The following ANKRD40 variants were observed in gnomAD, a reference collection of about 807,000 sequenced individuals.
The protein encoded by ANKRD40 is ankyrin repeat domain-containing protein 40.
In ANKRD40, 24 loss-of-function variants were observed where a neutral mutation model predicts 35.5. That is an observed-to-expected ratio of 0.68 (90% CI 0.49 to 0.95). The LOEUF is 0.95. ANKRD40 is among the 40% of genes least tolerant of loss of function. The pLI is 0.00. For missense variants in ANKRD40, 361 were observed against 436.0 expected, an observed-to-expected ratio of 0.83 and a Z score of 1.53; for synonymous variants, 147 against 173.5, an observed-to-expected ratio of 0.85 and a Z score of 1.20.
chr17:50,705,889 GA>G (rs1469343240), intron 1 of ANKRD40, among the ~76,000 whole-genome samples: 1 of 151,144 alleles, frequency 6.6e-6, no homozygotes, highest in Non-Finnish European at 1.5e-5. Context: ...TCGAACTCCT[GA>G]CATCGTGATC....
intron 4 of ANKRD40, 145 bp from the exon 5 acceptor site, chr17:50,696,288 G>C: frequency 1.1e-6 from 1 of 908,528 alleles, no homozygotes; most frequent in Non-Finnish European, 1.6e-6. Context: ...CAGTGATAGT[G>C]CAACTAAGGC....
Position 50,707,410 on chromosome 17 carries a change from G to A in ANKRD40, c.134+111C>T. On this transcript the variant is annotated intron_variant, in intron 1 of 4. Coordinates refer to ENST00000285243, the MANE Select transcript of ANKRD40 (RefSeq NM_052855.4). The surrounding 1 kb of genome is among the most constrained non-coding windows in gnomAD (Gnocchi z 4.8). ...GAGCACAATCTCGGAGGCCCGAGGT[G>A]GCAGGCCTCGCCGTAGCCAGGCGTC... 6.8e-7 allele frequency: 1 copy of A among 1,465,820 alleles called. No individual in the cohort carries two copies. The highest frequency in any genetic ancestry group is 9.2e-7 in the Non-Finnish European group (1 of 1,092,464). The allele number at this position is 1,465,820 out of a possible 1,614,324, so 90.8% of individuals were successfully genotyped here.
chr17:50,696,208 T>C, intron 4 of ANKRD40, 65 bp from the exon 5 acceptor site: 1 of 1,500,812 alleles, frequency 6.7e-7, no homozygotes, highest in East Asian at 2.3e-5. Context: ...TGGTGCACTC[T>C]ATTGATACCA....
At chr17:50,698,022 C>T (rs1278165350) in intron 3 of ANKRD40, among the ~76,000 whole-genome samples, 1 of 151,848 alleles carries the variant, frequency 6.6e-6, no homozygotes, top group East Asian at 1.9e-4. Context: ...TGGCTATGTC[C>T]TCTCAACGGG....
Position 50,699,718 on chromosome 17 carries a change from T to C in ANKRD40, c.459A>G (p.Ala153=), listed in dbSNP as rs770850055. The C allele has an allele frequency of 4.3e-6, 7 of 1,613,346 alleles. No individual in the cohort carries two copies. The highest frequency in any genetic ancestry group is 2.2e-5 in the East Asian group (1 of 44,870). The part of the protein sequence containing the change: ...MQNGGPSTPP[A]SPPADGSPPL... ...GAGGTGAGCCATCTGCAGGGGGTGA[T>C]GCAGGGGGTGTGGAGGGGCCCCCAT... Residue 153 remains alanine (A), a synonymous_variant, in exon 3 of 5, where the codon GCA becomes GCG. Coordinates refer to ENST00000285243, the MANE Select transcript of ANKRD40 (RefSeq NM_052855.4).
In ANKRD40 at chr17:50,699,677, C is replaced by A; in HGVS notation, c.500G>T (p.Gly167Val). The A allele has an allele frequency of 6.2e-7, 1 of 1,614,074 alleles. No homozygotes were observed. Among genetic ancestry groups the A allele is most frequent in the African/African-American group, 1.3e-5 (1 of 74,994 alleles). Residue 167 changes from glycine (G) to valine (V), a missense_variant, in exon 3 of 5, where the codon GGG becomes GTG. Around this residue, in one of 5 missense-constraint regions of ANKRD40, gnomAD observed 172 missense variants for 174.0 expected, o/e 0.99. Transcript: ENST00000285243. ...ADGSPPLLPP[G>V]EPPLLGTFPR... The stretch of plus-strand genomic sequence containing the variant: ...AAAGGTCCCTAACAGGGGAGGTTCC[C>A]CAGGGGGAAGCAATGGAGGTGAGCC...
At position 50,694,214 on chromosome 17, in the gene ANKRD40, C is replaced by T. The variant is rs1264625225; in HGVS notation, c.*1783G>A. ...AGGGTAATAAGTAACCTTCACTCTG[C>T]TATGCAAACACTGTACAAGGGTGAG... On this transcript the variant is annotated 3_prime_UTR_variant, in exon 5 of 5. Transcript: ENST00000285243. 6.6e-6 allele frequency: 1 copy of T among 151,466 alleles called. No homozygotes were observed. The highest frequency in any genetic ancestry group is 1.5e-5 in the Non-Finnish European group (1 of 67,958). The allele number at this position is 151,466 out of a possible 1,614,324, so 9.4% of individuals were successfully genotyped here.
At chr17:50,703,176 A>G (rs1968289917) in intron 1 of ANKRD40, among the ~76,000 whole-genome samples, 3 of 152,204 alleles carry the variant, frequency 2.0e-5, no homozygotes, top group Non-Finnish European at 4.4e-5. Flanking sequence ...TTTGAGGGTA[A>G]CCTTATATTC....
chr17:50,698,134 T>C (rs1452211011), intron 3 of ANKRD40, among the ~76,000 whole-genome samples: 2 of 151,928 alleles, frequency 1.3e-5, no homozygotes, highest in African/African-American at 4.8e-5. Context: ...GCAAGTTTGC[T>C]GTGTGCCCTA....
intron 3 of ANKRD40, 53 bp downstream of exon 3, chr17:50,699,346 C>G (rs1190785944): frequency 1.6e-5 from 25 of 1,587,424 alleles, no homozygotes; most frequent in Non-Finnish European, 2.1e-5. Context: ...AAATCCCACC[C>G]CTCTGGACAC....
At chr17:50,702,628 T>C (rs949683172) in intron 1 of ANKRD40, among the ~76,000 whole-genome samples, 1 of 152,172 alleles carries the variant, frequency 6.6e-6, no homozygotes, top group African/African-American at 2.4e-5. Flanking sequence ...AATAAAATGC[T>C]CACTTGCTAG....
chr17:50,701,834 A>G (rs1968276670), intron 1 of ANKRD40, among the ~76,000 whole-genome samples: 1 of 152,190 alleles, frequency 6.6e-6, no homozygotes, highest in Non-Finnish European at 1.5e-5. Context: ...GATTCCAGGA[A>G]AAAGCTGATT....
intron 3 of ANKRD40, 141 bp from the exon 4 acceptor site, chr17:50,697,262 C>G: frequency 2.5e-6 from 2 of 815,486 alleles, no homozygotes; most frequent in Non-Finnish European, 3.6e-6. Flanking sequence ...GTGGGAAAAC[C>G]AAGTGCAGCC....
chr17:50,705,237 T>C (rs1010094417), intron 1 of ANKRD40, among the ~76,000 whole-genome samples: 4 of 151,394 alleles, frequency 2.6e-5, no homozygotes, highest in Non-Finnish European at 5.9e-5. Context: ...CTGGAACAAG[T>C]AGAAAATGAA....
rs1294597207 is a variant in ANKRD40 at position 50,694,530 on chromosome 17, C to T, written c.*1467G>A. ...AGCAGGGATGCTCTTCGACAGCTGG[C>T]TTCAAACCCCTGCTCTCCTGTTTGT... On this transcript the variant is annotated 3_prime_UTR_variant, in exon 5 of 5. Transcript: ENST00000285243. The T allele has an allele frequency of 6.6e-6, 1 of 152,202 alleles. No individual in the cohort carries two copies. Among genetic ancestry groups the T allele is most frequent in the East Asian group, 1.9e-4 (1 of 5,202 alleles). 9.4% of individuals were successfully genotyped at this position (152,202 alleles called of 1,614,324 possible).
At chr17:50,700,230 G>A (rs2146657479) in intron 2 of ANKRD40, 1 of 260,280 alleles carries the variant, frequency 3.8e-6, no homozygotes, top group African/African-American at 2.2e-5. Context: ...GATCACCTGA[G>A]GTCGGGAGTT....
At chr17:50,706,635 C>T (rs186747498) in intron 1 of ANKRD40, among the ~76,000 whole-genome samples, 3 of 151,090 alleles carry the variant, frequency 2.0e-5, no homozygotes, top group Admixed American at 1.3e-4. Context: ...GAACGGTAGG[C>T]TCACATCTGT....
chr17:50,697,505 G>C (rs934743856), intron 3 of ANKRD40, among the ~76,000 whole-genome samples: 1 of 152,190 alleles, frequency 6.6e-6, no homozygotes, highest in African/African-American at 2.4e-5. Flanking sequence ...TTGGAAAGAA[G>C]GCATGGGCAG....
intron 3 of ANKRD40, among the ~76,000 whole-genome samples, chr17:50,698,720 G>T (rs1968228650): frequency 6.6e-6 from 1 of 152,136 alleles, no homozygotes; most frequent in Admixed American, 6.5e-5. Flanking sequence ...ACGTATAGTA[G>T]ATGAGGGAAT....
Sources: gnomAD v4.1 joint callset for allele counts (sites outside exome capture counted in the v4.1 genomes callset) on GRCh38, gnomAD v4.1.1 for gene constraint, gnomAD v4.1.1 regional missense constraint, Gnocchi (gnomAD v3.1) non-coding constraint, MANE v1.5 for transcripts, NCBI Gene and HGNC (gene_info 2026-07-23, HGNC 2026-07-21) for gene names.